PAG1: variants seen among roughly 807,000 people sequenced by gnomAD.
PAG1 encodes the protein phosphoprotein associated with glycosphingolipid-enriched microdomains 1.
In PAG1, 23 loss-of-function variants were observed where a neutral mutation model predicts 31.7. The ratio of observed to expected loss-of-function variants is 0.73; its 90% CI spans 0.52 to 1.03. The LOEUF (loss-of-function observed/expected upper bound fraction) is 1.03. Among genes scored for constraint, PAG1 ranks in the 50% least tolerant of loss-of-function variants. PAG1 has a pLI of 0.00. For missense variants in PAG1, 473 were observed against 540.7 expected, an observed-to-expected ratio of 0.87 and a Z score of 1.24; for synonymous variants, 214 against 210.3, an observed-to-expected ratio of 1.02 and a Z score of -0.15.
At chr8:81,060,683 AT>A (rs1808903025) in intron 2 of PAG1, among the ~76,000 whole-genome samples, 1 of 152,206 alleles carries the variant, frequency 6.6e-6, no homozygotes, top group Admixed American at 6.5e-5. Context: ...TACCTTCTCT[AT>A]ATTATTGAAA....
chr8:80,976,827 G>T lies in PAG1; in HGVS notation c.1016C>A (p.Ser339Tyr). The T allele has an allele frequency of 6.2e-7, 1 of 1,613,768 alleles. No homozygotes were observed. Among genetic ancestry groups the T allele is most frequent in the South Asian group, 1.1e-5 (1 of 91,072 alleles). The stretch of plus-strand genomic sequence containing the variant: ...GTCCCCTTGAATGGAGGTGTAGGTG[G>T]ACTCCGGAACTGTAAGCGACTGCCC... ...KSGQSLTVPE[S>Y]TYTSIQGDPQ... is the part of the protein sequence containing the mutation. The change falls in exon 9 of 9, where the codon TCC becomes TAC. Residue 339 changes from serine (S) to tyrosine (Y), a missense_variant. Coordinates refer to ENST00000220597, the MANE Select transcript of PAG1 (RefSeq NM_018440.4).
chr8:81,100,312 T>C (rs1203125003), intron 1 of PAG1, among the ~76,000 whole-genome samples: 1 of 152,244 alleles, frequency 6.6e-6, no homozygotes, highest in African/African-American at 2.4e-5. Flanking sequence ...TTATATGCAA[T>C]GATTTCTTCA....
intron 2 of PAG1, among the ~76,000 whole-genome samples, chr8:81,054,892 G>A (rs1004981112): frequency 6.6e-6 from 1 of 151,952 alleles, no homozygotes; most frequent in Non-Finnish European, 1.5e-5. Flanking sequence ...AGCTCATGAT[G>A]AAGACTGGAT....
intron 2 of PAG1, among the ~76,000 whole-genome samples, chr8:81,056,446 C>T (rs1172561776): frequency 9.2e-5 from 14 of 151,966 alleles, no homozygotes; most frequent in Non-Finnish European, 2.1e-4. Context: ...CTTTGACAAA[C>T]CTGACAAAAA....
chr8:80,995,138 AG>A (rs1470814486), intron 3 of PAG1, among the ~76,000 whole-genome samples: 1 of 152,238 alleles, frequency 6.6e-6, no homozygotes, highest in African/African-American at 2.4e-5. Context: ...GAATATTCAA[AG>A]TTAAAGAATA....
intron 2 of PAG1, among the ~76,000 whole-genome samples, chr8:81,049,148 G>A (rs1352732964): frequency 6.6e-6 from 1 of 152,072 alleles, no homozygotes; most frequent in Admixed American, 6.6e-5. Flanking sequence ...TAAAAGATAA[G>A]GCATATACCG....
chr8:81,049,308 T>G (rs753951174), intron 2 of PAG1, among the ~76,000 whole-genome samples: 3 of 152,258 alleles, frequency 2.0e-5, no homozygotes, highest in Non-Finnish European at 4.4e-5. Flanking sequence ...TCTCATTTAC[T>G]TACATCTTAA....
chr8:81,099,377 C>A (rs1809575456), intron 1 of PAG1, among the ~76,000 whole-genome samples: 1 of 152,152 alleles, frequency 6.6e-6, no homozygotes, highest in Non-Finnish European at 1.5e-5. Flanking sequence ...GAGGGGGTGA[C>A]CACCATTGAA....
chr8:81,007,185 T>C (rs1229927620), intron 3 of PAG1, among the ~76,000 whole-genome samples: 2 of 152,144 alleles, frequency 1.3e-5, no homozygotes, highest in Non-Finnish European at 2.9e-5. Context: ...GACAGGCATA[T>C]ATTAGAGACA....
chr8:81,025,029 G>A (rs1315524233), intron 3 of PAG1, among the ~76,000 whole-genome samples: 1 of 152,156 alleles, frequency 6.6e-6, no homozygotes, highest in Admixed American at 6.5e-5. Context: ...TTTTACAAAT[G>A]AGAAATTTCA....
At chr8:81,021,109 G>A (rs371748407) in intron 3 of PAG1, among the ~76,000 whole-genome samples, 17 of 152,258 alleles carry the variant, frequency 1.1e-4, no homozygotes, top group Non-Finnish European at 1.8e-4. Context: ...TACAGAAACA[G>A]ATGGCAGGGC....
chr8:80,985,707 C>T (rs1447089484), intron 6 of PAG1, among the ~76,000 whole-genome samples: 4 of 152,172 alleles, frequency 2.6e-5, no homozygotes, highest in Admixed American at 2.0e-4. Flanking sequence ...AGTTTGATGC[C>T]GCTGAACTAT....
At chr8:81,087,853 T>C (rs987163958) in intron 1 of PAG1, among the ~76,000 whole-genome samples, 1 of 152,194 alleles carries the variant, frequency 6.6e-6, no homozygotes, top group African/African-American at 2.4e-5. Context: ...AATAAGCCAT[T>C]TTGTATGTTG....
intron 3 of PAG1, among the ~76,000 whole-genome samples, chr8:81,025,574 C>T (rs1220582415): frequency 1.3e-5 from 2 of 152,134 alleles, no homozygotes; most frequent in Non-Finnish European, 2.9e-5. Context: ...GCTACACCAC[C>T]GTGCCCAGGG....
At chr8:81,098,413 A>G (rs1472642051) in intron 1 of PAG1, among the ~76,000 whole-genome samples, 1 of 152,128 alleles carries the variant, frequency 6.6e-6, no homozygotes, top group Non-Finnish European at 1.5e-5. Flanking sequence ...TGAACTCTAA[A>G]TATCTTTCCT....
chr8:81,063,527 C>T (rs1250171537), intron 2 of PAG1, among the ~76,000 whole-genome samples: 4 of 152,244 alleles, frequency 2.6e-5, no homozygotes, highest in Non-Finnish European at 5.9e-5. Context: ...CTCTAAAAAA[C>T]ATTTTTTAAA....
At chr8:81,048,109 T>C (rs1317779347) in intron 2 of PAG1, among the ~76,000 whole-genome samples, 1 of 152,186 alleles carries the variant, frequency 6.6e-6, no homozygotes, top group Non-Finnish European at 1.5e-5. Flanking sequence ...TCCTCATCCC[T>C]GCTTGTGCCT....
intron 3 of PAG1, among the ~76,000 whole-genome samples, chr8:80,996,885 T>C (rs949578503): frequency 6.6e-6 from 1 of 152,196 alleles, no homozygotes; most frequent in Non-Finnish European, 1.5e-5. Context: ...AGTAAGCGGA[T>C]AGGAGGCATA....
chr8:81,009,073 T>C (rs565163393), intron 3 of PAG1, among the ~76,000 whole-genome samples: 45 of 152,338 alleles, frequency 3.0e-4, no homozygotes, highest in African/African-American at 1.0e-3. Context: ...ACAAAAATCA[T>C]ATTTCCTTTC....
Sources: allele counts gnomAD v4.1 joint callset (sites outside exome capture counted in the v4.1 genomes callset), GRCh38; gene constraint gnomAD v4.1.1; transcripts MANE v1.5; gene names NCBI Gene and HGNC (gene_info 2026-07-23, HGNC 2026-07-21).